The following XRN2 variants were observed in gnomAD, a reference collection of about 807,000 sequenced individuals.
XRN2 encodes 5'-3' exoribonuclease 2.
XRN2 carries 44 observed loss-of-function variants against 138.5 expected under a neutral mutation model. That is an observed-to-expected ratio of 0.32 (90% CI 0.25 to 0.41). The LOEUF (loss-of-function observed/expected upper bound fraction) is 0.41. Among genes scored for constraint, XRN2 ranks in the 10% least tolerant of loss-of-function variants. The probability of loss-of-function intolerance (pLI) is 1.00; values close to 1 mark genes in which losing one functional copy is unlikely to be tolerated. For missense variants in XRN2, 937 were observed against 1,169.3 expected (o/e 0.80, Z 2.90); for synonymous variants, 354 against 369.4 (o/e 0.96, Z 0.48).
chr20:21,330,095 C>CA (rs1222404141), intron 4 of XRN2, among the ~76,000 whole-genome samples: 1 of 152,014 alleles, frequency 6.6e-6, no homozygotes, highest in African/African-American at 2.4e-5. Flanking sequence ...CCAGCCTGGC[C>CA]AACACAATGA....
At chr20:21,346,872 C>A (rs2038443218) in intron 17 of XRN2, among the ~76,000 whole-genome samples, 2 of 152,136 alleles carry the variant, frequency 1.3e-5, no homozygotes, top group Non-Finnish European at 2.9e-5. Context: ...CTGCCTCAGC[C>A]TCCTAAAGTA....
At chr20:21,320,934 T>C (rs1176315593) in intron 1 of XRN2, among the ~76,000 whole-genome samples, 1 of 152,218 alleles carries the variant, frequency 6.6e-6, no homozygotes, top group African/African-American at 2.4e-5. Flanking sequence ...TTCTGCAAAC[T>C]AGCCTGTAGT....
At chr20:21,325,332 A>T (rs1013696436) in intron 1 of XRN2, among the ~76,000 whole-genome samples, 39 of 152,262 alleles carry the variant, frequency 2.6e-4, no homozygotes, top group African/African-American at 8.7e-4. Context: ...TTACAAAAAC[A>T]TAATTGAGTA....
intron 1 of XRN2, among the ~76,000 whole-genome samples, chr20:21,319,769 A>G (rs1187530891): frequency 6.6e-6 from 1 of 152,082 alleles, no homozygotes; most frequent in Non-Finnish European, 1.5e-5. Flanking sequence ...CCAACAATAC[A>G]TTTTTTTAAG....
chr20:21,361,022 A>T (rs887026889), intron 24 of XRN2, among the ~76,000 whole-genome samples: 2 of 152,322 alleles, frequency 1.3e-5, no homozygotes, highest in Non-Finnish European at 1.5e-5. Context: ...GAAACTTGAT[A>T]TTTGGAGTTT....
chr20:21,334,270 A>C (rs2038256007), intron 13 of XRN2, 85 bp downstream of exon 13: 1 of 1,128,762 alleles, frequency 8.9e-7, no homozygotes, highest in South Asian at 1.4e-5. Context: ...AATCTCTTTG[A>C]GTGTGTTTTT....
chr20:21,305,553 CTT>C (rs1180206108), intron 1 of XRN2, among the ~76,000 whole-genome samples: 5 of 19,840 alleles, frequency 2.5e-4, no homozygotes, highest in African/African-American at 4.9e-4. Flanking sequence ...CATACGTGGC[CTT>C]TTTTTTTTTT....
At position 21,344,130 on chromosome 20, in the gene XRN2, G is replaced by T. The variant is rs141877571; in HGVS notation, c.1451G>T (p.Gly484Val). ...ISPNTSFTSDGSPSPLGGIKR... is the reference protein window; with the variant it reads ...ISPNTSFTSDVSPSPLGGIKR... Reference sequence around the variant, plus strand: ...CCTAATACGAGTTTCACATCTGATGGCTCCCCGTCTCCATTAGGAGGAATT... The same window carrying T: ...CCTAATACGAGTTTCACATCTGATGTCTCCCCGTCTCCATTAGGAGGAATT... The change falls in exon 16 of 30, where the codon GGC (glycine) becomes GTC (valine). Residue 484 changes from glycine to valine, a missense_variant. Physicochemically the swap from Gly to Val is moderately radical, Grantham distance 109. Around this residue, in one of 6 missense-constraint regions of XRN2, gnomAD observed 471 missense variants for 581.2 expected, o/e 0.81. Coordinates refer to ENST00000377191, the MANE Select transcript of XRN2 (RefSeq NM_012255.5). 17 of 1,612,884 alleles carry T rather than the reference G, an allele frequency of 1.1e-5. No individual in the cohort carries two copies. The highest frequency in any genetic ancestry group is 1.4e-5 in the Non-Finnish European group (17 of 1,179,224).
At position 21,303,352 on chromosome 20, in the gene XRN2, G is replaced by T; in HGVS notation, c.-47G>T. 6.5e-7 allele frequency: 1 copy of T among 1,539,440 alleles called. No homozygotes were observed. The highest frequency in any genetic ancestry group is 1.2e-5 in the South Asian group (1 of 82,886). On this transcript the variant is annotated 5_prime_UTR_variant, in exon 1 of 30. Coordinates refer to ENST00000377191, the MANE Select transcript of XRN2 (RefSeq NM_012255.5). ...CTCTGCCGCTGCTCCCGTCTCTTTGGTTACGCTCGTCAGCCGGTCGGCCGC... is the reference window on the plus strand; with the variant it reads ...CTCTGCCGCTGCTCCCGTCTCTTTGTTTACGCTCGTCAGCCGGTCGGCCGC...
chr20:21,356,197 TA>T lies in XRN2; in HGVS notation c.2118+22del, dbSNP rs2038574402. ...ACAGAGGTATGTTACGCAATTTGGT[TA>T]ATTAGAAATGCACTTTTTAAAATTT... On this transcript the variant is annotated intron_variant, in intron 22 of 29. Transcript: ENST00000377191. The T allele has an allele frequency of 6.4e-7, 1 of 1,567,228 alleles. No individual in the cohort carries two copies. The highest frequency in any genetic ancestry group is 8.7e-7 in the Non-Finnish European group (1 of 1,155,044).
intron 26 of XRN2, 97 bp downstream of exon 26, chr20:21,365,801 TATATATA>T (rs1343468673): frequency 1.4e-5 from 3 of 210,408 alleles, no homozygotes; most frequent in African/African-American, 4.2e-5. Context: ...ATTTATGCCA[TATATATA>T]ATATATGATT....
chr20:21,376,130 C>T (rs1338406066), intron 27 of XRN2, among the ~76,000 whole-genome samples: 1 of 152,178 alleles, frequency 6.6e-6, no homozygotes, highest in African/African-American at 2.4e-5. Flanking sequence ...GAGCCACTGC[C>T]CCCAGCCACC....
chr20:21,312,781 A>G lies in XRN2; in HGVS notation c.75+9308A>G, dbSNP rs374651069. Among the ~76,000 whole-genome samples the G allele has an allele frequency of 3.9e-5, 6 of 151,978 alleles. No individual in the cohort carries two copies. The East Asian group carries it at 7.8e-4, about 20-fold the overall frequency. ...ACCATGACGCCTGGCTAATTTTTGT[A>G]TTTTTAGTAGAGGTTTCACCACGTT... On this transcript the variant is annotated intron_variant, in intron 1 of 29. Coordinates refer to ENST00000377191, the MANE Select transcript of XRN2 (RefSeq NM_012255.5).
At chr20:21,349,831 G>A (rs2038483943) in intron 20 of XRN2, among the ~76,000 whole-genome samples, 1 of 152,162 alleles carries the variant, frequency 6.6e-6, no homozygotes, top group Non-Finnish European at 1.5e-5. Context: ...CATCCAACCT[G>A]GGATTAGCAA....
intron 1 of XRN2, among the ~76,000 whole-genome samples, chr20:21,316,196 G>A (rs1285202017): frequency 6.6e-6 from 1 of 152,218 alleles, no homozygotes; most frequent in African/African-American, 2.4e-5. Context: ...GGAGGTTGCA[G>A]TGAGCCAAGA....
rs760850691 is a variant in XRN2, at chr20:21,326,253, T to C, written c.76-26T>C. 1.0e-5 allele frequency: 16 copies of C among 1,606,730 alleles called. No individual in the cohort carries two copies. In the South Asian group the frequency reaches 1.7e-4, roughly 17 times the overall value. Reference sequence around the variant, plus strand: ...CATTTTTAGACTTGAACAATCAAACTACTATTAATTATCACTTCCTCATAG... The same window carrying C: ...CATTTTTAGACTTGAACAATCAAACCACTATTAATTATCACTTCCTCATAG... On this transcript the variant is annotated intron_variant, in intron 1 of 29. Transcript: ENST00000377191.
chr20:21,365,368 A>G (rs1381577440), intron 24 of XRN2, 53 bp from the exon 25 acceptor site: 1 of 1,571,260 alleles, frequency 6.4e-7, no homozygotes, highest in Non-Finnish European at 8.7e-7. Context: ...AGTCTACATG[A>G]TAAGACAGGC....
At chr20:21,318,706 T>G (rs554495207) in intron 1 of XRN2, among the ~76,000 whole-genome samples, 1 of 152,246 alleles carries the variant, frequency 6.6e-6, no homozygotes, top group South Asian at 2.1e-4. Context: ...TCTTCCTAGA[T>G]CCCTTGGTTA....
At chr20:21,319,292 C>G (rs1157057493) in intron 1 of XRN2, among the ~76,000 whole-genome samples, 11 of 152,082 alleles carry the variant, frequency 7.2e-5, no homozygotes, top group Non-Finnish European at 1.5e-4. Flanking sequence ...AGTGTATCTC[C>G]TGTAGATAAC....
Sources: allele counts gnomAD v4.1 joint callset (sites outside exome capture counted in the v4.1 genomes callset), GRCh38; gene constraint gnomAD v4.1.1; regional missense constraint gnomAD v4.1.1; transcripts MANE v1.5; gene names NCBI Gene and HGNC (gene_info 2026-07-23, HGNC 2026-07-21).